The following LARS1 variants were observed in gnomAD, a reference collection of about 807,000 sequenced individuals.
LARS1 encodes leucyl-tRNA synthetase 1.
Under a neutral mutation model 162.8 loss-of-function variants are expected in LARS1, and 100 were observed. The observed-to-expected ratio is 0.61, with a 90% CI of 0.52 to 0.73. The LOEUF is 0.73. LARS1 is among the 30% of genes least tolerant of loss of function. LARS1 has a pLI of 0.00. For synonymous variants in LARS1, 457 were observed against 462.8 expected, an observed-to-expected ratio of 0.99 and a Z score of 0.16; for missense variants, 1,258 against 1,408.9, an observed-to-expected ratio of 0.89 and a Z score of 1.71.
chr5:146,119,924 G>A (rs1225183310), intron 31 of LARS1, among the ~76,000 whole-genome samples: 2 of 152,102 alleles, frequency 1.3e-5, no homozygotes, highest in African/African-American at 2.4e-5. Context: ...TTATAGAACT[G>A]TAAAAGGATT....
chr5:146,140,341 A>T (rs369136328), intron 20 of LARS1, 80 bp from the exon 21 acceptor site: 31 of 1,067,950 alleles, frequency 2.9e-5, no homozygotes, highest in African/African-American at 1.7e-4. Context: ...GGTAAAAGCT[A>T]ATAGACTCAT....
intron 14 of LARS1, 47 bp from the exon 15 acceptor site, chr5:146,149,746 T>A (rs1206816502): frequency 7.3e-7 from 1 of 1,376,794 alleles, no homozygotes. Context: ...ACAGTTAGAA[T>A]CTGCCTTGAG....
intron 4 of LARS1, among the ~76,000 whole-genome samples, chr5:146,169,706 G>A (rs1470275122): frequency 6.6e-6 from 1 of 151,892 alleles, no homozygotes; most frequent in African/African-American, 2.4e-5. Context: ...CTGCCACCAC[G>A]CCCGGCTAAT....
chr5:146,128,328 T>C (rs1752126225), intron 27 of LARS1, among the ~76,000 whole-genome samples: 1 of 152,182 alleles, frequency 6.6e-6, no homozygotes, highest in Admixed American at 6.6e-5. Context: ...ATTTAATGAA[T>C]GACTCCCACT....
intron 2 of LARS1, among the ~76,000 whole-genome samples, chr5:146,174,520 CCATA>C (rs1561498152): frequency 3.2e-5 from 1 of 31,020 alleles, no homozygotes; most frequent in East Asian, 1.3e-3. Context: ...ATATATATAT[CCATA>C]TATATATATA....
At chr5:146,123,062 A>G (rs1204467959) in intron 29 of LARS1, among the ~76,000 whole-genome samples, 1 of 152,028 alleles carries the variant, frequency 6.6e-6, no homozygotes, top group Admixed American at 6.6e-5. Context: ...TTTGACCTAC[A>G]TGAATATATA....
intron 16 of LARS1, 35 bp downstream of exon 16, chr5:146,144,589 T>G: frequency 6.2e-7 from 1 of 1,613,030 alleles, no homozygotes; most frequent in Non-Finnish European, 8.5e-7. Flanking sequence ...GTGAGCAAAT[T>G]GACTAGGGGA....
At chr5:146,170,435 A>C (rs1754209065) in intron 4 of LARS1, among the ~76,000 whole-genome samples, 1 of 151,490 alleles carries the variant, frequency 6.6e-6, no homozygotes, top group Non-Finnish European at 1.5e-5. Flanking sequence ...TCACCACTGC[A>C]CTCCAGACTG....
At chr5:146,141,423 T>C (rs933292801) in intron 20 of LARS1, among the ~76,000 whole-genome samples, 13 of 152,118 alleles carry the variant, frequency 8.5e-5, no homozygotes, top group African/African-American at 2.4e-4. Context: ...GTGAAAAAAA[T>C]TGGTGCAAAG....
chr5:146,166,767 T>G (rs1050956918), intron 5 of LARS1, among the ~76,000 whole-genome samples: 6 of 152,170 alleles, frequency 3.9e-5, no homozygotes, highest in African/African-American at 1.4e-4. Context: ...TGATGAATGC[T>G]AAAATTAATG....
At position 146,142,881 on chromosome 5, in the gene LARS1, G is replaced by C; in HGVS notation, c.2081C>G (p.Pro694Arg). The C allele has an allele frequency of 1.9e-6, 3 of 1,612,488 alleles. No individual in the cohort carries two copies. The highest frequency in any genetic ancestry group is 2.5e-6 in the Non-Finnish European group (3 of 1,179,008). The change falls in exon 20 of 32, where the codon CCG (proline) becomes CGG (arginine). Residue 694 changes from proline to arginine, a missense_variant. Transcript: ENST00000394434. The stretch of plus-strand genomic sequence containing the variant: ...CTATTTTATCATTCACCTTTGTTCC[G>C]GCCACATAGCCACATGATTATAAAG... ...YYLYNHVAMW[P>R]EQSDKWPTAV...
In LARS1 at chr5:146,160,484, T is replaced by A; in HGVS notation, c.597A>T (p.Val199=). Reference sequence around the variant, plus strand: ...TGGTGATGAAGGAACGACGCCAGTCTACCTATAAAAGGAAAATTTTAAAAG... The same window carrying A: ...TGGTGATGAAGGAACGACGCCAGTCAACCTATAAAAGGAAAATTTTAAAAG... ...IQDLKRMGLK[V]DWRRSFITTD... Residue 199 remains valine (V), a splice_region_variant and synonymous_variant, in exon 7 of 32, where the codon GTA becomes GTT. Coordinates refer to ENST00000394434, the MANE Select transcript of LARS1 (RefSeq NM_020117.11). The A allele has an allele frequency of 6.6e-7, 1 of 1,514,960 alleles. No individual in the cohort carries two copies. Among genetic ancestry groups the A allele is most frequent in the Non-Finnish European group, 8.8e-7 (1 of 1,135,332 alleles). 93.8% of individuals were successfully genotyped at this position (1,514,960 alleles called of 1,614,324 possible).
At chr5:146,159,603 T>C (rs144591930) in intron 7 of LARS1, 133 bp from the exon 8 acceptor site, 52 of 648,066 alleles carry the variant, frequency 8.0e-5, no homozygotes, top group Non-Finnish European at 1.3e-4. Flanking sequence ...GTGTCTATTA[T>C]GTGTACTCTT....
chr5:146,132,978 C>G lies in LARS1; in HGVS notation c.2316G>C (p.Glu772Asp). 6.2e-7 allele frequency: 1 copy of G among 1,614,162 alleles called. No individual in the cohort carries two copies. Among genetic ancestry groups the G allele is most frequent in the South Asian group, 1.1e-5 (1 of 91,082 alleles). ...AGTTGGCAACCATTTCTTTCACCCA[C>G]TCTACCCAGGTGTACAGACGGAGAA... ...AGILRLYTWV[E>D]WVKEMVANWD... The change falls in exon 23 of 32, where the codon GAG becomes GAC. Residue 772 changes from glutamate (E) to aspartate (D), a missense_variant. Transcript: ENST00000394434.
In LARS1 at chr5:146,160,381, C is replaced by A. The variant is rs754006873; in HGVS notation, c.700G>T (p.Gly234Trp). Residue 234 changes from glycine (G) to tryptophan (W), a missense_variant, in exon 7 of 32, where the codon GGG (glycine) becomes TGG (tryptophan). Gly to Trp is a radical substitution (Grantham distance 184). Transcript: ENST00000394434. ...TLRERNKIKF[G>W]KRYTIYSPKD... Reference sequence around the variant, plus strand: ...CAAGTATAACAAACTTACCGCTTCCCAAATTTAATTTTGTTTCTTTCTCTT... The same window carrying A: ...CAAGTATAACAAACTTACCGCTTCCAAAATTTAATTTTGTTTCTTTCTCTT... 2 of 1,542,866 alleles carry A rather than the reference C, an allele frequency of 1.3e-6. No individual in the cohort carries two copies. The highest frequency in any genetic ancestry group is 2.4e-5 in the South Asian group (2 of 84,550).
intron 4 of LARS1, among the ~76,000 whole-genome samples, chr5:146,168,930 G>C (rs377458497): frequency 2.6e-5 from 4 of 151,890 alleles, no homozygotes; most frequent in East Asian, 1.9e-4. Context: ...TGTCAGGAGG[G>C]GGGAGGGATA....
chr5:146,139,195 T>C (rs1204089987), intron 21 of LARS1, among the ~76,000 whole-genome samples: 1 of 151,528 alleles, frequency 6.6e-6, no homozygotes, highest in Non-Finnish European at 1.5e-5. Flanking sequence ...AAACAAAAAT[T>C]AGCCGGGCAT....
Position 146,126,470 on chromosome 5 carries a change from T to A in LARS1, c.2956A>T (p.Met986Leu). 5 of 1,612,152 alleles carry A rather than the reference T, an allele frequency of 3.1e-6. No individual in the cohort carries two copies. Among genetic ancestry groups the A allele is most frequent in the Non-Finnish European group, 4.2e-6 (5 of 1,178,608 alleles). The change falls in exon 28 of 32, where the codon ATG becomes TTG. Residue 986 changes from methionine to leucine, a missense_variant. Transcript: ENST00000394434. ...LGSMPELKKYMKKVMPFVAMI... is the reference protein window; with the variant it reads ...LGSMPELKKYLKKVMPFVAMI... ...GCAACAAATGGCATGACTTTCTTCATGTATTTCTTCAGTTCTGGCATACTG... is the reference window on the plus strand; with the variant it reads ...GCAACAAATGGCATGACTTTCTTCAAGTATTTCTTCAGTTCTGGCATACTG...
chr5:146,178,820 T>C (rs555044182), intron 1 of LARS1, among the ~76,000 whole-genome samples: 10 of 151,998 alleles, frequency 6.6e-5, no homozygotes, highest in African/African-American at 2.4e-4. Flanking sequence ...CTTGGCTGGA[T>C]GTAGTGCCTC....
Sources: allele counts gnomAD v4.1 joint callset (sites outside exome capture counted in the v4.1 genomes callset), GRCh38; gene constraint gnomAD v4.1.1; transcripts MANE v1.5; gene names NCBI Gene and HGNC (gene_info 2026-07-23, HGNC 2026-07-21).